Variants in MTREX observed in about 807,000 individuals in gnomAD.
MTREX encodes Mtr4 exosome RNA helicase.
Under a neutral mutation model 135.4 loss-of-function variants are expected in MTREX, and 76 were observed. The ratio of observed to expected loss-of-function variants is 0.56; its 90% CI spans 0.47 to 0.68. The LOEUF is 0.68. Ranked by LOEUF, MTREX falls within the 30% of genes least tolerant of loss-of-function variation. The probability of loss-of-function intolerance (pLI) is 0.00; values close to 1 mark genes in which losing one functional copy is unlikely to be tolerated. For missense variants in MTREX, 920 were observed against 1,262.1 expected, an observed-to-expected ratio of 0.73 and a Z score of 4.11; for synonymous variants, 404 against 401.6, an observed-to-expected ratio of 1.01 and a Z score of -0.07.
At chr5:55,418,324 T>G (rs1026483252) in intron 25 of MTREX, among the ~76,000 whole-genome samples, 1 of 150,976 alleles carries the variant, frequency 6.6e-6, no homozygotes, top group Admixed American at 6.6e-5. Context: ...ATCTAGGAAT[T>G]CATATAAAAT....
intron 14 of MTREX, among the ~76,000 whole-genome samples, chr5:55,357,694 A>G (rs927856209): frequency 1.3e-5 from 2 of 152,190 alleles, no homozygotes; most frequent in East Asian, 3.9e-4. Flanking sequence ...ATTGTGACCT[A>G]TAGTGGTTTT....
chr5:55,328,051 A>G (rs1749411949), intron 4 of MTREX, among the ~76,000 whole-genome samples: 1 of 152,208 alleles, frequency 6.6e-6, no homozygotes, highest in Non-Finnish European at 1.5e-5. Flanking sequence ...CCAGAAAAAA[A>G]TACATGTGTA....
chr5:55,379,432 G>T (rs554818750), intron 18 of MTREX, among the ~76,000 whole-genome samples: 96 of 152,164 alleles, frequency 6.3e-4, no homozygotes, highest in African/African-American at 2.2e-3. Context: ...TGATCCACCT[G>T]CCTCGGCCTC....
intron 11 of MTREX, among the ~76,000 whole-genome samples, chr5:55,347,858 C>A (rs1749763355): frequency 6.6e-6 from 1 of 152,130 alleles, no homozygotes; most frequent in South Asian, 2.1e-4. Context: ...CAAGGAGGAG[C>A]AAGTCACATC....
chr5:55,341,586 T>C, intron 6 of MTREX, 95 bp from the exon 7 acceptor site: 1 of 567,770 alleles, frequency 1.8e-6, no homozygotes, highest in South Asian at 2.8e-5. Flanking sequence ...TAATAAAGAA[T>C]ATCCAAAATT....
chr5:55,383,185 C>T (rs1003676106), intron 18 of MTREX, among the ~76,000 whole-genome samples: 6 of 152,124 alleles, frequency 3.9e-5, no homozygotes, highest in Non-Finnish European at 5.9e-5. Context: ...TTGTTTTATA[C>T]AACTGCTTTT....
At chr5:55,411,346 C>T (rs1407062230) in intron 23 of MTREX, among the ~76,000 whole-genome samples, 1 of 152,182 alleles carries the variant, frequency 6.6e-6, no homozygotes, top group Admixed American at 6.5e-5. Context: ...CATCTGCCTT[C>T]TAAAAATAAT....
chr5:55,393,842 TTTC>T (rs1750605985), intron 19 of MTREX, among the ~76,000 whole-genome samples: 2 of 152,248 alleles, frequency 1.3e-5, no homozygotes, highest in Non-Finnish European at 2.9e-5. Context: ...ATATTTATAA[TTTC>T]ATGACAACTA....
chr5:55,330,345 G>A (rs1370370387), intron 5 of MTREX, among the ~76,000 whole-genome samples: 1 of 151,890 alleles, frequency 6.6e-6, no homozygotes, highest in East Asian at 1.9e-4. Flanking sequence ...CAAAGTGCTG[G>A]GCTTATAGGC....
chr5:55,424,673 G>A, intron 26 of MTREX, 47 bp from the exon 27 acceptor site: 1 of 1,373,486 alleles, frequency 7.3e-7, no homozygotes. Context: ...GGCAAGTTAG[G>A]TGTTTTGTGG....
intron 12 of MTREX, 95 bp from the exon 13 acceptor site, chr5:55,350,824 G>A: frequency 1.0e-6 from 1 of 994,582 alleles, no homozygotes; most frequent in South Asian, 1.5e-5. Flanking sequence ...TCTTTAAAGA[G>A]AAAGCATTCT....
intron 16 of MTREX, among the ~76,000 whole-genome samples, chr5:55,376,928 G>T (rs990963119): frequency 1.3e-5 from 2 of 151,986 alleles, no homozygotes; most frequent in African/African-American, 4.8e-5. Flanking sequence ...AGAATTAGCT[G>T]GGCATGGTGT....
rs146349601 is a variant in MTREX, at chr5:55,349,339, G to A, written c.1241-234G>A. 4.0e-3 allele frequency among the ~76,000 whole-genome samples: 614 copies of A among 151,734 alleles called. 4 individuals are homozygous for A. Among genetic ancestry groups the A allele is most frequent in the African/African-American group, 0.014 (584 of 41,386 alleles). On this transcript the variant is annotated intron_variant, in intron 11 of 26. Coordinates refer to ENST00000230640, the MANE Select transcript of MTREX (RefSeq NM_015360.5). Reference sequence around the variant, plus strand: ...GTAGCTGGGACTACAGGTGCACGCCGCAATGCCTGGCTAATTTTTTTGTAT... The same window carrying A: ...GTAGCTGGGACTACAGGTGCACGCCACAATGCCTGGCTAATTTTTTTGTAT...
At chr5:55,338,791 T>TC (rs1554031280) in intron 5 of MTREX, among the ~76,000 whole-genome samples, 5 of 138,030 alleles carry the variant, frequency 3.6e-5, no homozygotes, top group South Asian at 2.4e-4. Flanking sequence ...TTTTTCTTTT[T>TC]TTTTTTTTTT....
At chr5:55,344,792 T>C (rs1157615666) in intron 9 of MTREX, among the ~76,000 whole-genome samples, 172 bp downstream of exon 9, 2 of 152,210 alleles carry the variant, frequency 1.3e-5, no homozygotes, top group Non-Finnish European at 2.9e-5. Context: ...TCAAACATTA[T>C]GTTTGAGACT....
At chr5:55,383,079 T>A (rs1178591524) in intron 18 of MTREX, among the ~76,000 whole-genome samples, 2 of 152,236 alleles carry the variant, frequency 1.3e-5, no homozygotes, top group Non-Finnish European at 2.9e-5. Context: ...TGCCTTAACC[T>A]TAAACAGTTT....
At position 55,307,993 on chromosome 5, in the gene MTREX, T is replaced by A; in HGVS notation, c.-21T>A. 6.2e-7 allele frequency: 1 copy of A among 1,614,064 alleles called. No individual in the cohort carries two copies. The highest frequency in any genetic ancestry group is 8.5e-7 in the Non-Finnish European group (1 of 1,179,978). Reference sequence around the variant, plus strand: ...GGGGCATCGTGGGTAGGAGGGAGATTTGCTCTCACTGCTCCCAAAAATGGC... The same window carrying A: ...GGGGCATCGTGGGTAGGAGGGAGATATGCTCTCACTGCTCCCAAAAATGGC... On this transcript the variant is annotated 5_prime_UTR_variant, in exon 1 of 27. The change creates a new upstream start codon in the 5' untranslated region. Transcript: ENST00000230640.
chr5:55,322,145 A>C (rs1434728253), intron 1 of MTREX, among the ~76,000 whole-genome samples, 182 bp from the exon 2 acceptor site: 1 of 152,228 alleles, frequency 6.6e-6, no homozygotes, highest in Non-Finnish European at 1.5e-5. Context: ...CAAATGCAGT[A>C]AAGTATTCAG....
At chr5:55,356,099 G>C (rs1157975423) in intron 14 of MTREX, among the ~76,000 whole-genome samples, 3 of 152,224 alleles carry the variant, frequency 2.0e-5, no homozygotes, top group Non-Finnish European at 4.4e-5. Flanking sequence ...ACAGCCCCCT[G>C]TGCCACCTCT....
Sources: allele counts gnomAD v4.1 joint callset (sites outside exome capture counted in the v4.1 genomes callset), GRCh38; gene constraint gnomAD v4.1.1; transcripts MANE v1.5; gene names NCBI Gene and HGNC (gene_info 2026-07-23, HGNC 2026-07-21).